RNF216: variants seen among roughly 807,000 people sequenced by gnomAD.
The protein encoded by RNF216 is ring finger protein 216.
RNF216 carries 72 observed loss-of-function variants against 110.8 expected under a neutral mutation model. That is an observed-to-expected ratio of 0.65 (90% confidence interval 0.54 to 0.79). The LOEUF is 0.79. Ranked by LOEUF, RNF216 falls within the 30% of genes least tolerant of loss-of-function variation. The pLI is 0.00. For missense variants in RNF216, 1,342 were observed against 1,141.2 expected (o/e 1.18, Z -2.54); for synonymous variants, 495 against 407.5 (o/e 1.21, Z -2.59).
intron 15 of RNF216, among the ~76,000 whole-genome samples, chr7:5,635,415 TA>T (rs762373114): frequency 6.6e-6 from 1 of 151,950 alleles, no homozygotes; most frequent in South Asian, 2.1e-4. Context: ...TTTTGTAGAA[TA>T]AATTTTTAAG....
At position 5,741,319 on chromosome 7, in the gene RNF216, G is replaced by C. The variant is rs199640368; in HGVS notation, c.698C>G (p.Pro233Arg). The C allele has an allele frequency of 3.9e-5, 63 of 1,614,036 alleles. No homozygotes were observed. Among genetic ancestry groups the C allele is most frequent in the Non-Finnish European group, 4.7e-5 (55 of 1,179,900 alleles). The change falls in exon 4 of 17, where the codon CCT becomes CGT. Residue 233 changes from proline to arginine, a missense_variant. By Grantham distance (103) the Pro-to-Arg change is moderately radical. Transcript: ENST00000389902. ...CTGTTGGTTCAGAGACTGGAAGTAA[G>C]GATGATCTAACCAGCAGTCTTCTTC... ...AIEEDCWLDHPYFQSLNQQPR... is the reference protein window; with the variant it reads ...AIEEDCWLDHRYFQSLNQQPR...
intron 10 of RNF216, among the ~76,000 whole-genome samples, chr7:5,715,736 C>CTT (rs58929486): frequency 1.3e-3 from 144 of 113,794 alleles, no homozygotes; most frequent in African/African-American, 2.6e-3. Flanking sequence ...CCAACTCATT[C>CTT]TTTTTTTTTT....
At chr7:5,689,456 T>C (rs1791192032) in intron 13 of RNF216, among the ~76,000 whole-genome samples, 1 of 151,596 alleles carries the variant, frequency 6.6e-6, no homozygotes, top group African/African-American at 2.4e-5. Flanking sequence ...ATCCCTTCTG[T>C]TGTCAAGTGA....
At chr7:5,676,259 G>A (rs888242638) in intron 13 of RNF216, among the ~76,000 whole-genome samples, 1 of 152,056 alleles carries the variant, frequency 6.6e-6, no homozygotes, top group Non-Finnish European at 1.5e-5. Context: ...TGATCGGCCC[G>A]CCTTGGCCTC....
chr7:5,675,318 T>C (rs1302917444), intron 13 of RNF216, among the ~76,000 whole-genome samples: 1 of 152,138 alleles, frequency 6.6e-6, no homozygotes, highest in East Asian at 1.9e-4. Context: ...CAGGCTTTCC[T>C]GGGCCATATC....
chr7:5,711,812 C>A lies in RNF216; in HGVS notation c.2010G>T (p.Leu670=), dbSNP rs138122142. 1.7e-4 allele frequency: 267 copies of A among 1,614,002 alleles called. 1 individual carries two copies. In the African/African-American group the frequency reaches 2.7e-3, roughly 16 times the overall value. The part of the protein sequence containing the change: ...VRCPSCSFPA[L]LDSDVKRFSC... ...TGAACCTCTTCACATCACTGTCCAA[C>A]AGAGCCGGAAAGCTACAGGACGGGC... The change falls in exon 13 of 17, where the codon CTG becomes CTT. Residue 670 remains leucine, a synonymous_variant. Coordinates refer to ENST00000389902, the MANE Select transcript of RNF216 (RefSeq NM_207111.4).
rs79215819 is a variant in RNF216 at position 5,620,221 on chromosome 7, T to C, written c.*2639A>G. The C allele has an allele frequency of 2.0e-5, 3 of 152,228 alleles. No homozygotes were observed. Among genetic ancestry groups the C allele is most frequent in the African/African-American group, 7.2e-5 (3 of 41,456 alleles). The allele number at this position is 152,228 out of a possible 1,614,324, so 9.4% of individuals were successfully genotyped here. On this transcript the variant is annotated 3_prime_UTR_variant, in exon 17 of 17. Transcript: ENST00000389902. ...TATACAAAGTGACAGATCATGCACA[T>C]TTTTTTCAGTTTTTAAATATTTTGC...
At chr7:5,766,001 G>T (rs989373057) in intron 1 of RNF216, among the ~76,000 whole-genome samples, 5 of 151,100 alleles carry the variant, frequency 3.3e-5, no homozygotes, top group Non-Finnish European at 5.9e-5. Context: ...ATCCAGGCTG[G>T]GCACAATGGC....
chr7:5,708,989 A>C (rs986553504), intron 13 of RNF216, among the ~76,000 whole-genome samples: 2 of 152,154 alleles, frequency 1.3e-5, no homozygotes, highest in African/African-American at 4.8e-5. Flanking sequence ...AGCAGCCCCC[A>C]GGGACCTAGA....
chr7:5,655,054 C>A (rs951092184), intron 13 of RNF216, among the ~76,000 whole-genome samples: 1 of 152,340 alleles, frequency 6.6e-6, no homozygotes, highest in Admixed American at 6.5e-5. Context: ...CAATACATGG[C>A]ATTTAGATAC....
At chr7:5,699,118 T>A (rs1791812053) in intron 13 of RNF216, among the ~76,000 whole-genome samples, 1 of 152,098 alleles carries the variant, frequency 6.6e-6, no homozygotes, top group Non-Finnish European at 1.5e-5. Flanking sequence ...TATGCACCCA[T>A]TATCGTGTTT....
At chr7:5,694,090 T>C (rs550175437) in intron 13 of RNF216, among the ~76,000 whole-genome samples, 2 of 152,300 alleles carry the variant, frequency 1.3e-5, no homozygotes, top group East Asian at 3.9e-4. Context: ...CCAAGGAAAT[T>C]ATACCACTTA....
At chr7:5,678,166 A>G (rs1186660117) in intron 13 of RNF216, among the ~76,000 whole-genome samples, 1 of 152,146 alleles carries the variant, frequency 6.6e-6, no homozygotes, top group Admixed American at 6.6e-5. Context: ...ATGTGCCCAA[A>G]TCTAGGTTTA....
chr7:5,624,221 G>C lies in RNF216; in HGVS notation c.2383-96C>G. Reference sequence around the variant, plus strand: ...GAGGCCGCTTGTTGCTTATGGCCATGGAACAAGCCCGAAGCCTGCTGCTGG... The same window carrying C: ...GAGGCCGCTTGTTGCTTATGGCCATCGAACAAGCCCGAAGCCTGCTGCTGG... On this transcript the variant is annotated intron_variant, in intron 15 of 16. Transcript: ENST00000389902. This position sits in a 1 kb window ranked among gnomAD's most constrained non-coding sequence, Gnocchi z 4.4. The C allele has an allele frequency of 9.8e-7, 1 of 1,021,882 alleles. No homozygotes were observed. The highest frequency in any genetic ancestry group is 1.5e-6 in the Non-Finnish European group (1 of 678,054). The allele number at this position is 1,021,882 out of a possible 1,614,324, so 63.3% of individuals were successfully genotyped here.
At chr7:5,745,762 T>C (rs1486276184) in intron 3 of RNF216, among the ~76,000 whole-genome samples, 1 of 151,532 alleles carries the variant, frequency 6.6e-6, no homozygotes, top group African/African-American at 2.4e-5. Flanking sequence ...CAGCCGGGTG[T>C]GGTGGCACAC....
intron 5 of RNF216, among the ~76,000 whole-genome samples, chr7:5,736,903 G>T (rs575953059): frequency 1.5e-4 from 23 of 151,766 alleles, no homozygotes; most frequent in African/African-American, 5.6e-4. Flanking sequence ...CGTCCGGGAA[G>T]TGAGGAGCCC....
chr7:5,660,952 T>TTTTG (rs1789091416), intron 13 of RNF216, among the ~76,000 whole-genome samples: 1 of 144,250 alleles, frequency 6.9e-6, no homozygotes, highest in African/African-American at 2.7e-5. Context: ...GGTTTTTTTT[T>TTTTG]TTTTTTTTTT....
intron 9 of RNF216, among the ~76,000 whole-genome samples, chr7:5,718,949 T>C (rs1793239618): frequency 6.6e-6 from 1 of 152,236 alleles, no homozygotes; most frequent in Non-Finnish European, 1.5e-5. Flanking sequence ...TAAGCCACTG[T>C]GCCTGGCCAG....
In RNF216 at chr7:5,624,957, T is replaced by C. The variant is rs753863949; in HGVS notation, c.2383-832A>G. 2.0e-5 allele frequency among the ~76,000 whole-genome samples: 3 copies of C among 152,206 alleles called. No individual in the cohort carries two copies. The highest frequency in any genetic ancestry group is 2.9e-5 in the Non-Finnish European group (2 of 68,030). On this transcript the variant is annotated intron_variant, in intron 15 of 16. Transcript: ENST00000389902. The surrounding 1 kb of genome is among the most constrained non-coding windows in gnomAD (Gnocchi z 4.4). ...AGGACAGACCACCCGTGATGCCTGC[T>C]TCATGAGTGGCGCTTACCTTAACCC...
Sources: gnomAD v4.1 joint callset for allele counts (sites outside exome capture counted in the v4.1 genomes callset) on GRCh38, gnomAD v4.1.1 for gene constraint, Gnocchi (gnomAD v3.1) non-coding constraint, MANE v1.5 for transcripts, NCBI Gene and HGNC (gene_info 2026-07-23, HGNC 2026-07-21) for gene names.